ABCC1: variants seen among roughly 807,000 people sequenced by gnomAD.
The protein encoded by ABCC1 is multidrug resistance-associated protein 1.
A neutral mutation model predicts 172.9 loss-of-function variants in ABCC1; 83 were observed. The ratio of observed to expected loss-of-function variants is 0.48; its 90% CI spans 0.40 to 0.58. The LOEUF (loss-of-function observed/expected upper bound fraction) is 0.58. Among genes scored for constraint, ABCC1 ranks in the 20% least tolerant of loss-of-function variants. The pLI is 0.00. For missense variants in ABCC1, 1,817 were observed against 2,002.7 expected, an observed-to-expected ratio of 0.91 and a Z score of 1.77; for synonymous variants, 937 against 825.2, an observed-to-expected ratio of 1.14 and a Z score of -2.32.
chr16:16,123,456 A>G (rs2045257695), intron 24 of ABCC1, among the ~76,000 whole-genome samples: 1 of 151,814 alleles, frequency 6.6e-6, no homozygotes, highest in Non-Finnish European at 1.5e-5. Context: ...TCAACATGGC[A>G]AAATCCCATC....
At chr16:16,016,149 G>GTT (rs71137903) in intron 4 of ABCC1, among the ~76,000 whole-genome samples, 7,579 of 84,188 alleles carry the variant, frequency 0.09, 606 homozygotes, top group Admixed American at 0.1. Context: ...TGTGATCTTG[G>GTT]TTTTTTTTTT....
At chr16:16,125,720 G>A (rs2045401243) in intron 25 of ABCC1, 90 bp from the exon 26 acceptor site, 1 of 796,674 alleles carries the variant, frequency 1.3e-6, no homozygotes. Context: ...AAAATAATTT[G>A]TTTCCTATTA....
At chr16:15,965,814 C>T (rs1286759265) in intron 1 of ABCC1, among the ~76,000 whole-genome samples, 1 of 151,880 alleles carries the variant, frequency 6.6e-6, no homozygotes, top group Non-Finnish European at 1.5e-5. Flanking sequence ...CCAGGCTGGT[C>T]TCGAACTCCT....
intron 20 of ABCC1, among the ~76,000 whole-genome samples, chr16:16,103,695 C>T (rs549022639): frequency 9.2e-5 from 14 of 152,276 alleles, no homozygotes; most frequent in African/African-American, 1.2e-4. Context: ...GAAAGGATCC[C>T]GGACCTGCAG....
At chr16:15,999,031 C>T (rs1017047017) in intron 1 of ABCC1, among the ~76,000 whole-genome samples, 3 of 152,066 alleles carry the variant, frequency 2.0e-5, no homozygotes, top group Non-Finnish European at 2.9e-5. Context: ...GACGGAGTCT[C>T]GCTCTGTCTC....
At chr16:16,093,979 CTTTTTT>C (rs578261751) in intron 19 of ABCC1, among the ~76,000 whole-genome samples, 2 of 106,654 alleles carry the variant, frequency 1.9e-5, no homozygotes, top group East Asian at 2.8e-4. Context: ...TCCCTCTCTC[CTTTTTT>C]TTTTTTTTTT....
intron 18 of ABCC1, among the ~76,000 whole-genome samples, chr16:16,087,786 TC>T (rs1252744265): frequency 6.6e-6 from 1 of 151,184 alleles, no homozygotes; most frequent in African/African-American, 2.5e-5. Flanking sequence ...AACTAACACA[TC>T]CCCATGGGGG....
intron 19 of ABCC1, among the ~76,000 whole-genome samples, chr16:16,092,211 T>C (rs1261219330): frequency 6.6e-6 from 1 of 152,100 alleles, no homozygotes; most frequent in Non-Finnish European, 1.5e-5. Context: ...ACACTCCAGC[T>C]TGGGCAACAG....
chr16:16,084,286 C>T (rs556727272), intron 17 of ABCC1, among the ~76,000 whole-genome samples: 51 of 151,950 alleles, frequency 3.4e-4, no homozygotes, highest in African/African-American at 1.0e-3. Flanking sequence ...TATTTTTAGT[C>T]GAGGCAGGGT....
intron 14 of ABCC1, among the ~76,000 whole-genome samples, chr16:16,075,938 T>C (rs1294992604): frequency 6.7e-6 from 1 of 150,180 alleles, no homozygotes. Flanking sequence ...TGTTTCCCAC[T>C]GACCTTGGCC....
At chr16:16,011,247 A>G (rs1048092658) in intron 3 of ABCC1, among the ~76,000 whole-genome samples, 2 of 150,666 alleles carry the variant, frequency 1.3e-5, no homozygotes, top group Non-Finnish European at 3.0e-5. Context: ...AAGAAAAAGA[A>G]AAAAAAAAGG....
At chr16:16,001,395 G>A (rs2047302847) in intron 1 of ABCC1, among the ~76,000 whole-genome samples, 1 of 151,982 alleles carries the variant, frequency 6.6e-6, no homozygotes, top group African/African-American at 2.4e-5. Context: ...TGTATTTTTA[G>A]TAGAGACGGG....
intron 14 of ABCC1, 113 bp downstream of exon 14, chr16:16,071,842 G>T: frequency 2.0e-6 from 2 of 976,390 alleles, no homozygotes; most frequent in Non-Finnish European, 3.1e-6. Flanking sequence ...ACTCTGCCCA[G>T]CCGCTTGTCT....
intron 7 of ABCC1, among the ~76,000 whole-genome samples, chr16:16,038,277 T>C (rs8054670): frequency 0.26 from 39,214 of 151,946 alleles, 5,487 homozygotes; most frequent in African/African-American, 0.36. Flanking sequence ...CCCTAGGTCA[T>C]CTGCAACCTG....
chr16:16,141,507 A>C lies in ABCC1; in HGVS notation c.*226A>C. 2 of 531,820 alleles carry C rather than the reference A, an allele frequency of 3.8e-6. No individual in the cohort carries two copies. Among genetic ancestry groups the C allele is most frequent in the East Asian group, 3.1e-5 (1 of 31,814 alleles). The allele number at this position is 531,820 out of a possible 1,614,324, so 32.9% of individuals were successfully genotyped here. A position where few individuals can be genotyped will look rare whatever the true frequency, so the allele number is the denominator to read the frequency against. ...GACAGAGATGCGAACCACCCAAAAC[A>C]CGCACACCCTGCCCCTGGTGCCCTG... On this transcript the variant is annotated 3_prime_UTR_variant, in exon 31 of 31. Transcript: ENST00000399410.
At chr16:16,079,965 CA>C (rs1567380710) in intron 16 of ABCC1, among the ~76,000 whole-genome samples, 3 of 151,972 alleles carry the variant, frequency 2.0e-5, no homozygotes, top group African/African-American at 7.3e-5. Flanking sequence ...CATGCGCCAC[CA>C]TGTCCAGCTA....
chr16:15,994,655 A>G lies in ABCC1; in HGVS notation c.49-13161A>G, dbSNP rs557373345. On this transcript the variant is annotated intron_variant, in intron 1 of 30. Coordinates refer to ENST00000399410, the MANE Select transcript of ABCC1 (RefSeq NM_004996.4). ...TTATTTTAGAAATCATGCAGAGGAG[A>G]AAATTCAAACAGTACGAAAGATAAT... Among the ~76,000 whole-genome samples the G allele has an allele frequency of 1.2e-4, 19 of 152,336 alleles. No individual in the cohort carries two copies. In the South Asian group the frequency reaches 3.5e-3, roughly 28 times the overall value.
intron 26 of ABCC1, among the ~76,000 whole-genome samples, chr16:16,129,837 A>G (rs1358193327): frequency 2.0e-5 from 3 of 152,100 alleles, no homozygotes; most frequent in African/African-American, 7.2e-5. Flanking sequence ...TGCGCCGGCA[A>G]CGCTGTGATT....
intron 1 of ABCC1, among the ~76,000 whole-genome samples, chr16:15,996,967 G>T (rs574935574): frequency 6.2e-4 from 95 of 152,268 alleles, no homozygotes; most frequent in African/African-American, 2.3e-3. Context: ...CTTGGACGGG[G>T]TCCCCAACTC....
Sources: gnomAD v4.1 joint callset for allele counts (sites outside exome capture counted in the v4.1 genomes callset) on GRCh38, gnomAD v4.1.1 for gene constraint, MANE v1.5 for transcripts, NCBI Gene and HGNC (gene_info 2026-07-23, HGNC 2026-07-21) for gene names.